The following CENATAC variants were observed in gnomAD, a reference collection of about 807,000 sequenced individuals.
The protein encoded by CENATAC is coiled-coil domain containing 84.
In CENATAC, 53 loss-of-function variants were observed where a neutral mutation model predicts 53.7. That is an observed-to-expected ratio of 0.99 (90% CI 0.79 to 1.24). CENATAC has a LOEUF of 1.24. Ranked by LOEUF, CENATAC falls within the 50% of genes most tolerant of loss-of-function variation. CENATAC has a pLI of 0.00. For synonymous variants in CENATAC, 156 were observed against 144.6 expected (o/e 1.08, Z -0.57); for missense variants, 474 against 417.8 (o/e 1.13, Z -1.17).
intron 7 of CENATAC, 102 bp from the exon 8 acceptor site, chr11:119,013,130 C>A: frequency 1.2e-6 from 1 of 843,316 alleles, no homozygotes; most frequent in Non-Finnish European, 1.9e-6. Context: ...AGCAGTCACA[C>A]CCACCTCTTT....
At chr11:119,006,570 C>T (rs1468873839) in intron 3 of CENATAC, among the ~76,000 whole-genome samples, 1 of 152,020 alleles carries the variant, frequency 6.6e-6, no homozygotes, top group Non-Finnish European at 1.5e-5. Context: ...GGGGTTTCAC[C>T]GTGTTGGCCA....
In CENATAC at chr11:119,012,261, A is replaced by C. The variant is rs1942903977; in HGVS notation, c.684+7A>C. ...GACATTCATTGGCCATCAGGTACAA[A>C]GGATAAGCAAGCCAGAAGAGGGCCA... is the stretch of plus-strand genomic sequence containing the variant. On this transcript the variant is annotated splice_region_variant and intron_variant, in intron 7 of 10. Coordinates refer to ENST00000334418, the MANE Select transcript of CENATAC (RefSeq NM_198489.3). 6.8e-6 allele frequency: 11 copies of C among 1,613,874 alleles called. No homozygotes were observed. The highest frequency in any genetic ancestry group is 9.3e-6 in the Non-Finnish European group (11 of 1,179,900).
chr11:119,008,911 C>G (rs61902081), intron 3 of CENATAC, among the ~76,000 whole-genome samples: 263 of 152,274 alleles, frequency 1.7e-3, no homozygotes, highest in Non-Finnish European at 3.1e-3. Context: ...CCTACACAGC[C>G]CTAGGTCCCT....
intron 3 of CENATAC, chr11:119,006,057 G>A (rs1375792437): frequency 7.1e-6 from 1 of 140,318 alleles, no homozygotes; most frequent in East Asian, 2.0e-4. Flanking sequence ...TCCTGCCTTG[G>A]CCTTCAGAGT....
Position 119,015,527 on chromosome 11 carries a change from T to C in CENATAC, c.939-11T>C, listed in dbSNP as rs202084293. On this transcript the variant is annotated splice_polypyrimidine_tract_variant and intron_variant, in intron 10 of 10. Transcript: ENST00000334418. Reference sequence around the variant, plus strand: ...CCTTCATCATCGTGTTAACCCTTTATTTCCTTTCAGACATCAATTCAAAAC... The same window carrying C: ...CCTTCATCATCGTGTTAACCCTTTACTTCCTTTCAGACATCAATTCAAAAC... 9 of 1,613,598 alleles carry C rather than the reference T, an allele frequency of 5.6e-6. No homozygotes were observed. Among genetic ancestry groups the C allele is most frequent in the Non-Finnish European group, 6.8e-6 (8 of 1,179,600 alleles).
chr11:119,013,329 TTC>T (rs1942967528), intron 8 of CENATAC, 67 bp downstream of exon 8: 3 of 1,268,532 alleles, frequency 2.4e-6, no homozygotes, highest in Non-Finnish European at 3.4e-6. Flanking sequence ...TGGAGTCTTG[TTC>T]TGTCGCCAGG....
intron 2 of CENATAC, 141 bp from the exon 3 acceptor site, chr11:118,998,870 A>C: frequency 1.4e-6 from 1 of 708,302 alleles, no homozygotes; most frequent in Non-Finnish European, 2.4e-6. Flanking sequence ...CGAGATCTTG[A>C]AGAGATGGTA....
intron 7 of CENATAC, 132 bp downstream of exon 7, chr11:119,012,386 CTAG>C (rs1166538264): frequency 4.1e-6 from 4 of 972,448 alleles, no homozygotes; most frequent in Non-Finnish European, 4.5e-6. Flanking sequence ...TCACTGTTCC[CTAG>C]TAGTGTTCTC....
chr11:118,998,331 G>T lies in CENATAC; in HGVS notation c.120+14G>T. ...CTCCTGCCCCAGGTGCGGAGGCAAG[G>T]CTAGAGATGGGATGGGAGTGCGGGG... On this transcript the variant is annotated intron_variant, in intron 1 of 10. Transcript: ENST00000334418. The T allele has an allele frequency of 6.2e-7, 1 of 1,611,292 alleles. No homozygotes were observed. The highest frequency in any genetic ancestry group is 8.5e-7 in the Non-Finnish European group (1 of 1,178,690).
In CENATAC at chr11:119,015,690, A is replaced by C; in HGVS notation, c.*92A>C. 1.4e-6 allele frequency: 2 copies of C among 1,401,878 alleles called. No homozygotes were observed. Among genetic ancestry groups the C allele is most frequent in the Non-Finnish European group, 2.0e-6 (2 of 995,426 alleles). The allele number at this position is 1,401,878 out of a possible 1,614,324, so 86.8% of individuals were successfully genotyped here. A position where few individuals can be genotyped will look rare whatever the true frequency, so the allele number is the denominator to read the frequency against. On this transcript the variant is annotated 3_prime_UTR_variant, in exon 11 of 11. Coordinates refer to ENST00000334418, the MANE Select transcript of CENATAC (RefSeq NM_198489.3). ...CAAATTCTTTATCATTGTCTTTCTT[A>C]GGAAACAGACATACTCATTCATTTG...
chr11:119,008,776 C>T (rs1249924379), intron 3 of CENATAC, among the ~76,000 whole-genome samples: 3 of 152,228 alleles, frequency 2.0e-5, no homozygotes, highest in Non-Finnish European at 4.4e-5. Flanking sequence ...CAATACCCCG[C>T]TTTCAAGGGC....
chr11:119,005,041 C>T (rs1194081702), intron 3 of CENATAC: 12 of 149,396 alleles, frequency 8.0e-5, no homozygotes, highest in Non-Finnish European at 1.2e-4. Context: ...GCCTGGGCAA[C>T]AGAGCAAAAT....
chr11:119,015,610 A>G lies in CENATAC; in HGVS notation c.*12A>G, dbSNP rs782143753. On this transcript the variant is annotated 3_prime_UTR_variant, in exon 11 of 11. Coordinates refer to ENST00000334418, the MANE Select transcript of CENATAC (RefSeq NM_198489.3). ...CAGAAAAAAGCTAATCATGCTCTCT[A>G]CCAACTACCATGAGGCTAAAAGCAA... 3.7e-6 allele frequency: 6 copies of G among 1,613,928 alleles called. No homozygotes were observed. The highest frequency in any genetic ancestry group is 5.1e-6 in the Non-Finnish European group (6 of 1,179,900).
At chr11:119,000,267 A>T (rs956453403) in intron 3 of CENATAC, among the ~76,000 whole-genome samples, 2 of 152,066 alleles carry the variant, frequency 1.3e-5, no homozygotes, top group East Asian at 3.9e-4. Flanking sequence ...TCATGTAATG[A>T]TTTTGCTTTT....
chr11:118,999,142 A>G (rs1442527274), intron 3 of CENATAC, 33 bp downstream of exon 3: 12 of 1,496,996 alleles, frequency 8.0e-6, no homozygotes, highest in Non-Finnish European at 1.1e-5. Flanking sequence ...GAAGTAGCAG[A>G]GTGAATTCTC....
chr11:119,007,878 A>C (rs781882785), intron 3 of CENATAC, among the ~76,000 whole-genome samples: 2 of 152,182 alleles, frequency 1.3e-5, no homozygotes, highest in Non-Finnish European at 2.9e-5. Context: ...AGATAGGAGG[A>C]GGCACTTTTA....
intron 3 of CENATAC, among the ~76,000 whole-genome samples, chr11:119,000,389 G>A (rs886913173): frequency 4.0e-5 from 6 of 151,066 alleles, no homozygotes; most frequent in Non-Finnish European, 5.9e-5. Context: ...AAGCATGCAG[G>A]GTTTTCATGC....
chr11:119,015,481 C>T (rs1186168399), intron 10 of CENATAC, 42 bp downstream of exon 10: 14 of 1,613,706 alleles, frequency 8.7e-6, no homozygotes, highest in African/African-American at 1.3e-5. Flanking sequence ...ACCCATCCAA[C>T]CTCCTTTTTG....
Position 119,013,223 on chromosome 11 carries a change from C to T in CENATAC, c.685-9C>T, listed in dbSNP as rs781833486. ...TAACTAGCACTTTTTTTCCCATTTC[C>T]AACTACAGGATATACCAGGAGTTGG... On this transcript the variant is annotated splice_polypyrimidine_tract_variant and intron_variant, in intron 7 of 10. Transcript: ENST00000334418. 9 of 1,603,268 alleles carry T rather than the reference C, an allele frequency of 5.6e-6. No homozygotes were observed. The East Asian group carries it at 1.8e-4, about 32-fold the overall frequency.
Sources: allele counts gnomAD v4.1 joint callset (sites outside exome capture counted in the v4.1 genomes callset), GRCh38; gene constraint gnomAD v4.1.1; transcripts MANE v1.5; gene names NCBI Gene and HGNC (gene_info 2026-07-23, HGNC 2026-07-21).